Variants in SH3D19 observed in about 807,000 individuals in gnomAD.
SH3D19 encodes the protein SH3 domain containing 19, also known as SH3 domain-containing protein 19.
Under a neutral mutation model 112.1 loss-of-function variants are expected in SH3D19, and 58 were observed. That is an observed-to-expected ratio of 0.52 (90% CI 0.42 to 0.64). The LOEUF is 0.64. SH3D19 is among the 30% of genes least tolerant of loss of function. SH3D19 has a pLI of 0.00. For missense variants in SH3D19, 1,090 were observed against 1,263.4 expected, an observed-to-expected ratio of 0.86 and a Z score of 2.08; for synonymous variants, 391 against 448.5, an observed-to-expected ratio of 0.87 and a Z score of 1.62.
chr4:151,235,710 A>G (rs963685406), intron 1 of SH3D19, among the ~76,000 whole-genome samples: 3 of 152,140 alleles, frequency 2.0e-5, no homozygotes, highest in African/African-American at 7.2e-5. Context: ...TGCTTGAACC[A>G]GGGAGGTGGA....
intron 2 of SH3D19, among the ~76,000 whole-genome samples, chr4:151,204,081 C>T (rs547026486): frequency 6.6e-6 from 1 of 152,116 alleles, no homozygotes; most frequent in African/African-American, 2.4e-5. Context: ...TGTTTTTAAA[C>T]TAGTCTGGTA....
intron 2 of SH3D19, among the ~76,000 whole-genome samples, chr4:151,220,160 T>C (rs1767800905): frequency 1.3e-5 from 2 of 152,220 alleles, no homozygotes; most frequent in African/African-American, 2.4e-5. Flanking sequence ...AAAGACTGTC[T>C]TAATTACTTA....
At chr4:151,159,934 T>A (rs915806158) in intron 8 of SH3D19, among the ~76,000 whole-genome samples, 2 of 152,094 alleles carry the variant, frequency 1.3e-5, no homozygotes, top group African/African-American at 2.4e-5. Context: ...AAGAAGAAAA[T>A]AAATGCACTA....
At chr4:151,199,595 C>T (rs1580119495) in intron 2 of SH3D19, among the ~76,000 whole-genome samples, 1 of 152,214 alleles carries the variant, frequency 6.6e-6, no homozygotes, top group South Asian at 2.1e-4. Context: ...GCATAGGCTG[C>T]CCCATCCCCA....
intron 9 of SH3D19, among the ~76,000 whole-genome samples, chr4:151,157,733 A>G (rs1267566628): frequency 6.6e-6 from 1 of 152,230 alleles, no homozygotes; most frequent in Non-Finnish European, 1.5e-5. Flanking sequence ...TGGCATGTAT[A>G]CACCATGGAA....
chr4:151,277,955 T>G (rs970201635), intron 1 of SH3D19, among the ~76,000 whole-genome samples: 3 of 152,028 alleles, frequency 2.0e-5, no homozygotes, highest in Non-Finnish European at 4.4e-5. Flanking sequence ...GCAGGAGAAG[T>G]GCTTGAGCCT....
intron 1 of SH3D19, among the ~76,000 whole-genome samples, chr4:151,260,935 G>A (rs1289945657): frequency 6.6e-6 from 1 of 151,924 alleles, no homozygotes; most frequent in East Asian, 1.9e-4. Context: ...GACTCTCCCC[G>A]CTTCCTTTAC....
intron 1 of SH3D19, among the ~76,000 whole-genome samples, chr4:151,275,698 T>G (rs2150001138): frequency 6.6e-6 from 1 of 151,506 alleles, no homozygotes; most frequent in Admixed American, 6.6e-5. Context: ...ATTTTTAAAT[T>G]TTTGTAGATA....
intron 1 of SH3D19, among the ~76,000 whole-genome samples, chr4:151,302,085 T>C (rs939737957): frequency 6.6e-6 from 1 of 152,208 alleles, no homozygotes; most frequent in Non-Finnish European, 1.5e-5. Flanking sequence ...CAAGGTACCA[T>C]GTAACTTGCA....
At chr4:151,240,583 G>T (rs1770476964) in intron 1 of SH3D19, among the ~76,000 whole-genome samples, 1 of 151,916 alleles carries the variant, frequency 6.6e-6, no homozygotes, top group Non-Finnish European at 1.5e-5. Flanking sequence ...TACACAATAA[G>T]ATACCACTTC....
At chr4:151,307,602 C>A (rs1729047768) in intron 1 of SH3D19, among the ~76,000 whole-genome samples, 1 of 152,216 alleles carries the variant, frequency 6.6e-6, no homozygotes, top group Admixed American at 6.5e-5. Flanking sequence ...CTTGCGAGGC[C>A]CCTTTGCTGT....
In SH3D19 at chr4:151,187,702, A is replaced by G. The variant is rs545544781; in HGVS notation, c.153-239T>C. ...AAAATTTTGCCTTAAAATTGCTTTCATAGCTACTTACATACTGTATCTTCC... is the reference window on the plus strand; with the variant it reads ...AAAATTTTGCCTTAAAATTGCTTTCGTAGCTACTTACATACTGTATCTTCC... On this transcript the variant is annotated intron_variant, in intron 2 of 19. Transcript: ENST00000604030. Among the ~76,000 whole-genome samples the G allele has an allele frequency of 7.2e-5, 11 of 152,344 alleles. No individual in the cohort carries two copies. In the East Asian group the frequency reaches 2.1e-3, roughly 29 times the overall value.
intron 1 of SH3D19, chr4:151,283,327 T>A: frequency 5.5e-3 from 6,454 of 1,171,748 alleles, no homozygotes; most frequent in Non-Finnish European, 7.6e-3. Context: ...AAACATGAGA[T>A]CTTAATTTGG....
intron 3 of SH3D19, among the ~76,000 whole-genome samples, chr4:151,186,285 G>C (rs1761760560): frequency 6.6e-6 from 1 of 152,148 alleles, no homozygotes; most frequent in African/African-American, 2.4e-5. Context: ...AAATAGAAAT[G>C]TTCCTTTCTG....
chr4:151,296,908 A>T (rs771483317), intron 1 of SH3D19, among the ~76,000 whole-genome samples: 1 of 152,230 alleles, frequency 6.6e-6, no homozygotes, highest in Non-Finnish European at 1.5e-5. Context: ...ATGTTACCCC[A>T]AAAATGTGAG....
At chr4:151,220,961 C>T (rs1383088969) in intron 2 of SH3D19, among the ~76,000 whole-genome samples, 3 of 152,168 alleles carry the variant, frequency 2.0e-5, no homozygotes, top group African/African-American at 4.8e-5. Context: ...ACAAGAACAA[C>T]GCAGATATTT....
intron 1 of SH3D19, among the ~76,000 whole-genome samples, chr4:151,273,260 G>C (rs1292773391): frequency 6.6e-6 from 1 of 151,958 alleles, no homozygotes; most frequent in African/African-American, 2.4e-5. Context: ...CATATAAAGG[G>C]TATAAGCCAG....
chr4:151,222,227 C>T (rs2897655), intron 2 of SH3D19, among the ~76,000 whole-genome samples: 111,478 of 152,180 alleles, frequency 0.73, 43,978 homozygotes, highest in Non-Finnish European at 0.89. Context: ...CTCCCAGGAA[C>T]ACACACAACA....
intron 1 of SH3D19, among the ~76,000 whole-genome samples, chr4:151,307,493 C>T (rs569504282): frequency 8.1e-4 from 124 of 152,374 alleles, no homozygotes; most frequent in Non-Finnish European, 1.4e-3. Context: ...GGCGCCAACC[C>T]TTAGGCTCTG....
Sources: gnomAD v4.1 joint callset for allele counts (sites outside exome capture counted in the v4.1 genomes callset) on GRCh38, gnomAD v4.1.1 for gene constraint, MANE v1.5 for transcripts, NCBI Gene and HGNC (gene_info 2026-07-23, HGNC 2026-07-21) for gene names.